Variants in GRAMD1B observed in about 807,000 individuals in gnomAD.
The protein encoded by GRAMD1B is GRAM domain containing 1B.
In GRAMD1B, 37 loss-of-function variants were observed where a neutral mutation model predicts 99.7. That is an observed-to-expected ratio of 0.37 (90% CI 0.29 to 0.49). GRAMD1B has a LOEUF of 0.49. Among genes scored for constraint, GRAMD1B ranks in the 20% least tolerant of loss-of-function variants. GRAMD1B has a pLI of 0.98. For synonymous variants in GRAMD1B, 427 were observed against 387.6 expected, an observed-to-expected ratio of 1.10 and a Z score of -1.19; for missense variants, 888 against 1,009.2, an observed-to-expected ratio of 0.88 and a Z score of 1.63.
intron 1 of GRAMD1B, among the ~76,000 whole-genome samples, chr11:123,376,597 A>G (rs1212354902): frequency 1.3e-5 from 2 of 152,228 alleles, no homozygotes; most frequent in East Asian, 3.8e-4. Flanking sequence ...AGGCAGGAGC[A>G]AGATAAATAT....
At chr11:123,383,872 A>T (rs1263768776) in intron 1 of GRAMD1B, among the ~76,000 whole-genome samples, 2 of 149,954 alleles carry the variant, frequency 1.3e-5, no homozygotes, top group Non-Finnish European at 3.0e-5. Flanking sequence ...TTTTATTTTT[A>T]TTTATTCATT....
At chr11:123,514,002 A>G (rs1308489696) in intron 2 of GRAMD1B, among the ~76,000 whole-genome samples, 1 of 152,148 alleles carries the variant, frequency 6.6e-6, no homozygotes, top group Non-Finnish European at 1.5e-5. Flanking sequence ...AGCATTAATT[A>G]ACCCATTCAT....
intron 2 of GRAMD1B, among the ~76,000 whole-genome samples, chr11:123,568,379 C>T (rs1792007): frequency 0.96 from 146,509 of 152,342 alleles, 70,508 homozygotes; most frequent in East Asian, 1. Flanking sequence ...GGTCTGAACC[C>T]GGCAACAGTC....
intron 1 of GRAMD1B, among the ~76,000 whole-genome samples, chr11:123,368,957 AT>A (rs1946425000): frequency 6.6e-6 from 1 of 151,520 alleles, no homozygotes; most frequent in Non-Finnish European, 1.5e-5. Context: ...AGGAGATGGA[AT>A]GACAACTTAC....
chr11:123,411,783 G>A (rs1269991000), intron 1 of GRAMD1B, among the ~76,000 whole-genome samples: 4 of 152,078 alleles, frequency 2.6e-5, no homozygotes, highest in South Asian at 4.1e-4. Flanking sequence ...TACTAGCTGG[G>A]ACTACAGGTG....
chr11:123,452,114 G>A (rs1188845500), intron 1 of GRAMD1B, among the ~76,000 whole-genome samples: 1 of 152,172 alleles, frequency 6.6e-6, no homozygotes, highest in African/African-American at 2.4e-5. Flanking sequence ...GATTACAGAT[G>A]GGAGCCACTG....
At chr11:123,380,239 C>A in intron 1 of GRAMD1B, among the ~76,000 whole-genome samples, 2 of 152,194 alleles carry the variant, frequency 1.3e-5, no homozygotes, top group East Asian at 3.8e-4. Context: ...AGCTAAGAAA[C>A]CACTGCCTAA....
intron 1 of GRAMD1B, among the ~76,000 whole-genome samples, chr11:123,361,676 C>T (rs377392360): frequency 6.6e-6 from 1 of 152,154 alleles, no homozygotes; most frequent in Non-Finnish European, 1.5e-5. Context: ...AGAAACACTG[C>T]ACATATATTT....
chr11:123,374,531 G>A (rs566593110), intron 1 of GRAMD1B, among the ~76,000 whole-genome samples: 1 of 152,310 alleles, frequency 6.6e-6, no homozygotes, highest in East Asian at 1.9e-4. Flanking sequence ...AATGCAGGAA[G>A]GGCAAGTTAA....
At chr11:123,614,923 G>A (rs2306972) in intron 17 of GRAMD1B, 88 bp downstream of exon 17, 35,320 of 718,750 alleles carry the variant, frequency 0.049, 1,348 homozygotes, top group African/African-American at 0.16. Context: ...AAGCATCTGA[G>A]CACCCTTACT....
chr11:123,588,432 C>T (rs998698638), intron 4 of GRAMD1B, among the ~76,000 whole-genome samples: 3 of 152,178 alleles, frequency 2.0e-5, no homozygotes, highest in Non-Finnish European at 4.4e-5. Flanking sequence ...CAGGGCGTAT[C>T]CTGTCTCTAT....
chr11:123,550,821 G>C (rs1374474056), intron 2 of GRAMD1B, among the ~76,000 whole-genome samples: 1 of 152,164 alleles, frequency 6.6e-6, no homozygotes, highest in Non-Finnish European at 1.5e-5. Context: ...GTGGTCACTG[G>C]CCTGTCCTAG....
intron 1 of GRAMD1B, chr11:123,435,421 C>T (rs113824438): frequency 2.9e-6 from 2 of 701,674 alleles, no homozygotes; most frequent in Non-Finnish European, 5.2e-6. Flanking sequence ...TTTTACTTGT[C>T]ACTGACTTGA....
At chr11:123,447,039 A>C (rs1591554127) in intron 1 of GRAMD1B, among the ~76,000 whole-genome samples, 1 of 152,198 alleles carries the variant, frequency 6.6e-6, no homozygotes, top group South Asian at 2.1e-4. Context: ...GGGAGCTCCC[A>C]ATTGAGTGTG....
At chr11:123,531,410 TTGTTG>T (rs145525797) in intron 2 of GRAMD1B, among the ~76,000 whole-genome samples, 32,915 of 152,062 alleles carry the variant, frequency 0.22, 4,063 homozygotes, top group East Asian at 0.32. Context: ...ATTATTTGCT[TTGTTG>T]TGTTATTGTC....
At position 123,610,778 on chromosome 11, in the gene GRAMD1B, C is replaced by T. The variant is rs192678513; in HGVS notation, c.1919+440C>T. The stretch of plus-strand genomic sequence containing the variant: ...AACCTGTGCTCTGTCCACCATGCTG[C>T]GTGGATTGCCATTAGTGTTAGACAG... On this transcript the variant is annotated intron_variant, in intron 14 of 19. Coordinates refer to ENST00000635736, the MANE Select transcript of GRAMD1B (RefSeq NM_001387025.1). The surrounding 1 kb of genome is among the most constrained non-coding windows in gnomAD (Gnocchi z 4.1). Among the ~76,000 whole-genome samples the T allele has an allele frequency of 9.2e-5, 14 of 152,278 alleles. No individual in the cohort carries two copies. Among genetic ancestry groups the T allele is most frequent in the Middle Eastern group, 3.4e-3 (1 of 294 alleles).
At chr11:123,483,766 G>A (rs1207540990) in intron 2 of GRAMD1B, among the ~76,000 whole-genome samples, 1 of 152,160 alleles carries the variant, frequency 6.6e-6, no homozygotes, top group African/African-American at 2.4e-5. Flanking sequence ...CTTCATAGGA[G>A]TGTTCAAGCA....
In GRAMD1B at chr11:123,594,825, G is replaced by T; in HGVS notation, c.860G>T (p.Arg287Leu). Reference sequence around the variant, plus strand: ...ATCTGCTTCTACAGCAACATCTTCCGCTGGGAAACTCTGGTAAAGACCTGG... The same window carrying T: ...ATCTGCTTCTACAGCAACATCTTCCTCTGGGAAACTCTGGTAAAGACCTGG... Reference protein sequence around the residue: ...NWICFYSNIFRWETLLTVRLK... With the variant: ...NWICFYSNIFLWETLLTVRLK... Residue 287 changes from arginine (R) to leucine (L), a missense_variant, in exon 6 of 20, where the codon CGC becomes CTC. This residue lies in a region of GRAMD1B where 62 missense variants were observed against 139.4 expected (regional missense o/e 0.44). Coordinates refer to ENST00000635736, the MANE Select transcript of GRAMD1B (RefSeq NM_001387025.1). The T allele has an allele frequency of 8.8e-6, 14 of 1,586,084 alleles. 1 individual carries two copies. In the Middle Eastern group the frequency reaches 2.2e-3, roughly 245 times the overall value.
At chr11:123,399,372 G>A (rs1947576925) in intron 1 of GRAMD1B, among the ~76,000 whole-genome samples, 1 of 152,282 alleles carries the variant, frequency 6.6e-6, no homozygotes, top group Non-Finnish European at 1.5e-5. Flanking sequence ...TCATGCTATT[G>A]TGAATAGTGC....
Sources: gnomAD v4.1 joint callset for allele counts (sites outside exome capture counted in the v4.1 genomes callset) on GRCh38, gnomAD v4.1.1 for gene constraint, gnomAD v4.1.1 regional missense constraint, Gnocchi (gnomAD v3.1) non-coding constraint, MANE v1.5 for transcripts, NCBI Gene and HGNC (gene_info 2026-07-23, HGNC 2026-07-21) for gene names.